The following PALS2 variants were observed in gnomAD, a reference collection of about 807,000 sequenced individuals.
The protein encoded by PALS2 is protein PALS2.
Under a neutral mutation model 61.6 loss-of-function variants are expected in PALS2, and 27 were observed. The ratio of observed to expected loss-of-function variants is 0.44; its 90% CI spans 0.32 to 0.60. The LOEUF is 0.60. PALS2 is among the 20% of genes least tolerant of loss of function. The pLI, the probability that PALS2 is intolerant of heterozygous loss-of-function variation, is 0.05. For synonymous variants in PALS2, 236 were observed against 218.6 expected, an observed-to-expected ratio of 1.08 and a Z score of -0.70; for missense variants, 554 against 639.4, an observed-to-expected ratio of 0.87 and a Z score of 1.44.
chr7:24,586,733 G>A (rs1444733611), intron 1 of PALS2, among the ~76,000 whole-genome samples: 7 of 152,212 alleles, frequency 4.6e-5, no homozygotes, highest in Middle Eastern at 3.4e-3. Flanking sequence ...ATAGTCTTAC[G>A]CCTAGTAGAT....
chr7:24,634,786 G>A (rs1392741394), intron 2 of PALS2, among the ~76,000 whole-genome samples: 2 of 152,034 alleles, frequency 1.3e-5, no homozygotes, highest in African/African-American at 4.8e-5. Flanking sequence ...TCCATTTGTT[G>A]GACTTTCAAA....
intron 9 of PALS2, among the ~76,000 whole-genome samples, chr7:24,670,803 G>A (rs59828900): frequency 0.069 from 10,533 of 152,200 alleles, 449 homozygotes; most frequent in African/African-American, 0.11. Flanking sequence ...AATATGTGGT[G>A]TTTTGTGACT....
intron 1 of PALS2, among the ~76,000 whole-genome samples, chr7:24,606,884 C>A (rs1470127643): frequency 6.6e-6 from 1 of 152,108 alleles, no homozygotes; most frequent in African/African-American, 2.4e-5. Flanking sequence ...CAAGTCTAAA[C>A]ATAAAATTCA....
At chr7:24,668,277 T>G (rs572677781) in intron 8 of PALS2, among the ~76,000 whole-genome samples, 12 of 152,258 alleles carry the variant, frequency 7.9e-5, no homozygotes, top group African/African-American at 2.6e-4. Context: ...ACCACTATAC[T>G]CTACCCTGGG....
At chr7:24,615,525 C>T (rs931548757) in intron 1 of PALS2, among the ~76,000 whole-genome samples, 32 of 151,708 alleles carry the variant, frequency 2.1e-4, no homozygotes, top group African/African-American at 7.5e-4. Flanking sequence ...TAAAACCTAC[C>T]AAGATTGAGT....
At chr7:24,626,504 A>G (rs1187330927) in intron 2 of PALS2, among the ~76,000 whole-genome samples, 3 of 152,188 alleles carry the variant, frequency 2.0e-5, no homozygotes, top group Admixed American at 2.0e-4. Flanking sequence ...TAGCATTATA[A>G]TGACGGGATC....
chr7:24,685,343 A>G (rs1350157680), intron 11 of PALS2, among the ~76,000 whole-genome samples: 1 of 152,194 alleles, frequency 6.6e-6, no homozygotes, highest in Non-Finnish European at 1.5e-5. Flanking sequence ...ATTCTATACA[A>G]CATTTTCATT....
In PALS2 at chr7:24,690,169, A is replaced by C. The variant is rs563750558; in HGVS notation, c.*2555A>C. 1 of 152,222 alleles carries C rather than the reference A, an allele frequency of 6.6e-6. No individual in the cohort carries two copies. Among genetic ancestry groups the C allele is most frequent in the African/African-American group, 2.4e-5 (1 of 41,450 alleles). The allele number at this position is 152,222 out of a possible 1,614,324, so 9.4% of individuals were successfully genotyped here. A position where few individuals can be genotyped will look rare whatever the true frequency, so the allele number is the denominator to read the frequency against. ...TAGATGCCCGTACTAACAAGAATAC[A>C]GTTAGATAAGTTCATTGTATCTCAA... On this transcript the variant is annotated 3_prime_UTR_variant, in exon 12 of 12. Coordinates refer to ENST00000222644, the MANE Select transcript of PALS2 (RefSeq NM_001303037.2).
intron 1 of PALS2, among the ~76,000 whole-genome samples, chr7:24,588,815 A>G (rs1210624510): frequency 2.0e-5 from 3 of 152,242 alleles, no homozygotes; most frequent in Admixed American, 6.5e-5. Flanking sequence ...AAGCAGAGCA[A>G]AATAATTCAT....
chr7:24,620,073 T>TA (rs1784437723), intron 1 of PALS2: 1 of 152,140 alleles, frequency 6.6e-6, no homozygotes, highest in South Asian at 2.1e-4. Context: ...TTTGCTACTT[T>TA]AAAAAAATCA....
intron 2 of PALS2, among the ~76,000 whole-genome samples, chr7:24,639,652 A>G (rs1484758690): frequency 6.6e-6 from 1 of 151,794 alleles, no homozygotes; most frequent in Non-Finnish European, 1.5e-5. Flanking sequence ...ATAAGAGTTA[A>G]CTAATTCTGT....
At chr7:24,637,531 T>G (rs1785298311) in intron 2 of PALS2, among the ~76,000 whole-genome samples, 1 of 152,168 alleles carries the variant, frequency 6.6e-6, no homozygotes, top group African/African-American at 2.4e-5. Flanking sequence ...TTTACTTAGC[T>G]TTTTCAAGAA....
chr7:24,606,333 A>G (rs1426165807), intron 1 of PALS2, among the ~76,000 whole-genome samples: 1 of 152,194 alleles, frequency 6.6e-6, no homozygotes, highest in Non-Finnish European at 1.5e-5. Context: ...GTGGCAATAA[A>G]TGGAAATAAT....
chr7:24,592,298 T>A (rs1783318757), intron 1 of PALS2, among the ~76,000 whole-genome samples: 1 of 152,038 alleles, frequency 6.6e-6, no homozygotes, highest in Non-Finnish European at 1.5e-5. Context: ...AAGGCTTCAT[T>A]TGAGACAATT....
chr7:24,588,265 A>G (rs910942498), intron 1 of PALS2, among the ~76,000 whole-genome samples: 1 of 152,106 alleles, frequency 6.6e-6, no homozygotes, highest in African/African-American at 2.4e-5. Flanking sequence ...AGCTTACAAT[A>G]CCATATAGAT....
In PALS2 at chr7:24,665,575, A is replaced by C; in HGVS notation, c.784-13A>C. 8.1e-6 allele frequency: 13 copies of C among 1,612,090 alleles called. No homozygotes were observed. The highest frequency in any genetic ancestry group is 1.1e-5 in the Non-Finnish European group (13 of 1,178,360). On this transcript the variant is annotated splice_polypyrimidine_tract_variant and intron_variant, in intron 6 of 11. Transcript: ENST00000222644. Reference sequence around the variant, plus strand: ...TGGTCACTGAGATGTACAATTCATTAATTTGATTCTAGGCTAGCCATGTAA... The same window carrying C: ...TGGTCACTGAGATGTACAATTCATTCATTTGATTCTAGGCTAGCCATGTAA...
At chr7:24,642,121 A>G (rs1321858888) in intron 3 of PALS2, among the ~76,000 whole-genome samples, 1 of 152,212 alleles carries the variant, frequency 6.6e-6, no homozygotes, top group African/African-American at 2.4e-5. Flanking sequence ...GTGCCATTAA[A>G]GAAAACAACC....
intron 2 of PALS2, among the ~76,000 whole-genome samples, chr7:24,629,798 G>A (rs1583903266): frequency 1.3e-5 from 2 of 152,316 alleles, no homozygotes; most frequent in Non-Finnish European, 2.9e-5. Context: ...ACACCAGTTA[G>A]AATGGTGATC....
In PALS2 at chr7:24,582,614, T is replaced by C. The variant is rs961324673; in HGVS notation, c.-3+9021T>C. Reference sequence around the variant, plus strand: ...GCTATCTTTGAGTGGATTTGTCTTCTTTTTATTTACTAGAATATGTATGTC... The same window carrying C: ...GCTATCTTTGAGTGGATTTGTCTTCCTTTTATTTACTAGAATATGTATGTC... On this transcript the variant is annotated intron_variant, in intron 1 of 11. Transcript: ENST00000222644. Among the ~76,000 whole-genome samples the C allele has an allele frequency of 3.9e-5, 6 of 152,240 alleles. No homozygotes were observed. The South Asian group carries it at 1.0e-3, about 26-fold the overall frequency.
Sources: gnomAD v4.1 joint callset for allele counts (sites outside exome capture counted in the v4.1 genomes callset) on GRCh38, gnomAD v4.1.1 for gene constraint, MANE v1.5 for transcripts, NCBI Gene and HGNC (gene_info 2026-07-23, HGNC 2026-07-21) for gene names.